The following TENM1 variants were observed in gnomAD, a reference collection of about 807,000 sequenced individuals.
TENM1 encodes the protein teneurin transmembrane protein 1.
In TENM1, 35 loss-of-function variants were observed where a neutral mutation model predicts 174.8. The ratio of observed to expected loss-of-function variants is 0.20; its 90% CI spans 0.15 to 0.27. The LOEUF (loss-of-function observed/expected upper bound fraction) is 0.27, where lower values mean the gene tolerates loss of function less well. TENM1 is among the 10% of genes least tolerant of loss of function. TENM1 has a pLI of 1.00. For missense variants in TENM1, 1,633 were observed against 2,130.1 expected, an observed-to-expected ratio of 0.77 and a Z score of 4.59; for synonymous variants, 781 against 798.7, an observed-to-expected ratio of 0.98 and a Z score of 0.37.
intron 4 of TENM1, among the ~76,000 whole-genome samples, chrX:124,731,166 G>T (rs1026640996): frequency 9.0e-6 from 1 of 111,225 alleles, no homozygotes; most frequent in African/African-American, 3.3e-5. Context: ...GAAAAAAACT[G>T]CTAAAGATGA....
At chrX:125,133,472 C>T in the TENM1 span, among the ~76,000 whole-genome samples, 31 of 111,480 alleles carry the variant, frequency 2.8e-4, no homozygotes, top group South Asian at 0.011. Context: ...AGGTTACAAA[C>T]GATACTCTCC....
chrX:124,729,838 C>A (rs1002380410), intron 4 of TENM1, among the ~76,000 whole-genome samples: 1 of 111,990 alleles, frequency 8.9e-6, no homozygotes, highest in Non-Finnish European at 1.9e-5. Flanking sequence ...TGATTTGGAA[C>A]ATGGTGGTGA....
chrX:124,463,115 T>C (rs112325125), intron 22 of TENM1, among the ~76,000 whole-genome samples: 237 of 112,095 alleles, frequency 2.1e-3, no homozygotes, highest in African/African-American at 7.2e-3. Context: ...GTTCTGTCAA[T>C]ATAACTTTGT....
intron 16 of TENM1, among the ~76,000 whole-genome samples, chrX:124,526,868 C>T (rs2047988487): frequency 8.9e-6 from 1 of 112,151 alleles, no homozygotes; most frequent in Non-Finnish European, 1.9e-5. Context: ...GTTCTTGAGA[C>T]CTTTAATACT....
the TENM1 span, among the ~76,000 whole-genome samples, chrX:125,048,199 C>G: frequency 9.1e-6 from 1 of 110,160 alleles, no homozygotes; most frequent in Non-Finnish European, 1.9e-5. Flanking sequence ...GTAATGGTTC[C>G]CCTTTGCCTT....
intron 7 of TENM1, 95 bp from the exon 11 acceptor site, chrX:124,652,219 C>T: frequency 7.7e-6 from 8 of 1,042,124 alleles, no homozygotes; most frequent in Non-Finnish European, 1.0e-5. Context: ...TACTTCTTTG[C>T]TTTGAAGTTG....
intron 22 of TENM1, among the ~76,000 whole-genome samples, chrX:124,471,394 A>AG (rs1174530568): frequency 1.7e-4 from 5 of 28,776 alleles, no homozygotes; most frequent in African/African-American, 6.6e-4. Context: ...AGTACTATAT[A>AG]TAATATATAT....
At chrX:124,972,056 A>G in the TENM1 span, among the ~76,000 whole-genome samples, 2 of 109,170 alleles carry the variant, frequency 1.8e-5, no homozygotes, top group Non-Finnish European at 3.8e-5. Context: ...AACATGGTGA[A>G]ACCCCGTCTC....
chrX:124,406,655 C>G (rs1033584802), intron 25 of TENM1, among the ~76,000 whole-genome samples, 166 bp from the exon 29 acceptor site: 2 of 112,072 alleles, frequency 1.8e-5, no homozygotes, highest in Non-Finnish European at 3.8e-5. Flanking sequence ...ATTAATCAAA[C>G]GAAGGTATTT....
intron 6 of TENM1, among the ~76,000 whole-genome samples, chrX:124,661,371 T>C (rs1423791417): frequency 8.9e-6 from 1 of 112,127 alleles, no homozygotes; most frequent in Non-Finnish European, 1.9e-5. Context: ...ATAGTGTGAA[T>C]TGGCATAGCA....
chrX:124,723,687 G>A (rs1378117897), intron 4 of TENM1, among the ~76,000 whole-genome samples: 2 of 97,254 alleles, frequency 2.1e-5, no homozygotes, highest in African/African-American at 7.7e-5. Flanking sequence ...TGCAACTTCC[G>A]CCTCCCGGGT....
intron 18 of TENM1, among the ~76,000 whole-genome samples, chrX:124,519,374 T>C (rs1472868510): frequency 9.0e-6 from 1 of 111,221 alleles, no homozygotes; most frequent in African/African-American, 3.3e-5. Context: ...TGAGGGTCTC[T>C]TGGGCAGAGA....
the TENM1 span, among the ~76,000 whole-genome samples, chrX:125,186,774 A>T: frequency 4.5e-5 from 5 of 111,433 alleles, no homozygotes; most frequent in African/African-American, 1.6e-4. Context: ...TAAATTACAC[A>T]GCTTCAGGCA....
exon 11 of TENM1, chrX:124,641,901 T>C: frequency 1.7e-6 from 2 of 1,211,091 alleles, no homozygotes; most frequent in African/African-American, 3.5e-5. Flanking sequence ...AAGTGGTGTT[T>C]CACAGTTAAC....
intron 28 of TENM1, among the ~76,000 whole-genome samples, chrX:124,386,487 C>A (rs752059093): frequency 4.5e-5 from 5 of 110,498 alleles, no homozygotes; most frequent in African/African-American, 1.6e-4. Flanking sequence ...GTATTCTTGG[C>A]AGAGAGCACA....
chrX:124,421,617 T>C (rs1485141949), intron 24 of TENM1, among the ~76,000 whole-genome samples: 2 of 108,177 alleles, frequency 1.8e-5, no homozygotes, highest in Non-Finnish European at 3.9e-5. Context: ...GAAGGCTCTT[T>C]TTTTTTTTTT....
chrX:124,814,521 C>T (rs1569453429), intron 3 of TENM1, among the ~76,000 whole-genome samples: 1 of 110,363 alleles, frequency 9.1e-6, no homozygotes, highest in Non-Finnish European at 1.9e-5. Flanking sequence ...TGCTCCTTAT[C>T]CTAGCTCCCC....
At chrX:124,790,946 G>A (rs1325228609) in intron 3 of TENM1, among the ~76,000 whole-genome samples, 1 of 111,632 alleles carries the variant, frequency 9.0e-6, no homozygotes, top group African/African-American at 3.2e-5. Context: ...GGCTTCTACT[G>A]TGAAGAATAC....
chrX:124,987,217 G>A, the TENM1 span, among the ~76,000 whole-genome samples: 1 of 111,508 alleles, frequency 9.0e-6, no homozygotes, highest in South Asian at 3.9e-4. Flanking sequence ...ATAAGTTCAT[G>A]ATCACAAAGT....
Sources: allele counts gnomAD v4.1 joint callset (sites outside exome capture counted in the v4.1 genomes callset), GRCh38; gene constraint gnomAD v4.1.1; transcripts MANE v1.5; gene names NCBI Gene and HGNC (gene_info 2026-07-23, HGNC 2026-07-21).